Variants in KCNH5 observed in about 807,000 individuals in gnomAD.
The protein encoded by KCNH5 is potassium voltage-gated channel subfamily H member 5.
A neutral mutation model predicts 96.1 loss-of-function variants in KCNH5; 46 were observed. That is an observed-to-expected ratio of 0.48 (90% CI 0.38 to 0.61). The LOEUF is 0.61. Ranked by LOEUF, KCNH5 falls within the 20% of genes least tolerant of loss-of-function variation. The pLI, the probability that KCNH5 is intolerant of heterozygous loss-of-function variation, is 0.00. For synonymous variants in KCNH5, 439 were observed against 449.8 expected (o/e 0.98, Z 0.30); for missense variants, 907 against 1,225.8 (o/e 0.74, Z 3.88).
At chr14:63,044,902 C>A (rs1397874560) in intron 1 of KCNH5, among the ~76,000 whole-genome samples, 1 of 152,162 alleles carries the variant, frequency 6.6e-6, no homozygotes, top group Non-Finnish European at 1.5e-5. Flanking sequence ...GGGGGTGAGT[C>A]TGTCTGGTAG....
chr14:62,959,752 A>G (rs1427352176), intron 6 of KCNH5, among the ~76,000 whole-genome samples: 1 of 152,080 alleles, frequency 6.6e-6, no homozygotes, highest in East Asian at 1.9e-4. Context: ...TATTTGTAGT[A>G]ATAATGTTTT....
At chr14:62,930,013 C>T (rs11158463) in intron 7 of KCNH5, among the ~76,000 whole-genome samples, 107,681 of 152,052 alleles carry the variant, frequency 0.71, 38,985 homozygotes, top group East Asian at 0.99. Flanking sequence ...ATGTAGCACA[C>T]TTTTTAATCC....
intron 1 of KCNH5, among the ~76,000 whole-genome samples, chr14:63,026,002 G>C (rs1891517756): frequency 1.4e-5 from 2 of 141,204 alleles, no homozygotes; most frequent in South Asian, 4.3e-4. Flanking sequence ...CACGGTACTG[G>C]CATAAAAATA....
rs147770376 is a variant in KCNH5, at chr14:62,800,523, C to T, written c.1822+1806G>A. Among the ~76,000 whole-genome samples the T allele has an allele frequency of 2.9e-3, 436 of 152,102 alleles. 2 individuals carry two copies. Among genetic ancestry groups the T allele is most frequent in the African/African-American group, 9.8e-3 (406 of 41,504 alleles). On this transcript the variant is annotated intron_variant, in intron 9 of 10. Transcript: ENST00000322893. ...CCAAATGAAGTTGTAATGAAGAAAA[C>T]GGGACAAAGCAAATAATAATGAGTC...
At position 62,849,851 on chromosome 14, in the gene KCNH5, A is replaced by G. The variant is rs1240299458; in HGVS notation, c.1371T>C (p.Ser457=). Residue 457 remains serine, a splice_region_variant and synonymous_variant, in exon 8 of 11, where the codon TCT becomes TCC. Coordinates refer to ENST00000322893, the MANE Select transcript of KCNH5 (RefSeq NM_139318.5). ...MFSVAMMMVG[S]LLYATIFGNV... is the part of the protein sequence containing the mutation. ...TTCCAAAAATAGTTGCATAAAGAAGAGCTGAAAGAGAAGAAATGATAAAAA... is the reference window on the plus strand; with the variant it reads ...TTCCAAAAATAGTTGCATAAAGAAGGGCTGAAAGAGAAGAAATGATAAAAA... 6.2e-7 allele frequency: 1 copy of G among 1,608,306 alleles called. No homozygotes were observed. Among genetic ancestry groups the G allele is most frequent in the East Asian group, 2.2e-5 (1 of 44,796 alleles).
At chr14:62,817,784 A>AT (rs1229649476) in intron 8 of KCNH5, among the ~76,000 whole-genome samples, 1 of 146,290 alleles carries the variant, frequency 6.8e-6, no homozygotes, top group East Asian at 2.0e-4. Context: ...CTAGGAATAT[A>AT]TATATATATT....
intron 7 of KCNH5, among the ~76,000 whole-genome samples, chr14:62,867,737 C>T (rs1184943911): frequency 6.6e-6 from 1 of 152,148 alleles, no homozygotes; most frequent in Non-Finnish European, 1.5e-5. Context: ...ATCTCTAACC[C>T]TCTCTTCCTC....
chr14:62,981,842 A>G (rs537531090), intron 5 of KCNH5, among the ~76,000 whole-genome samples: 3 of 152,266 alleles, frequency 2.0e-5, no homozygotes, highest in East Asian at 1.9e-4. Flanking sequence ...TTCTTGCCCA[A>G]CTGCAAATTT....
chr14:62,919,744 A>G (rs571554652), intron 7 of KCNH5, among the ~76,000 whole-genome samples: 1 of 152,272 alleles, frequency 6.6e-6, no homozygotes, highest in South Asian at 2.1e-4. Flanking sequence ...GTGGCCCATC[A>G]TGAAAGTACT....
chr14:62,816,223 T>C (rs139346745), intron 8 of KCNH5, among the ~76,000 whole-genome samples: 4,835 of 152,052 alleles, frequency 0.032, 147 homozygotes, highest in South Asian at 0.084. Flanking sequence ...ATTGAAATCA[T>C]ATTCAAACAT....
chr14:62,705,865 A>G lies in KCNH5; in HGVS notation c.*1643T>C, dbSNP rs1425024116. 1.3e-5 allele frequency: 2 copies of G among 152,124 alleles called. No individual in the cohort carries two copies. The highest frequency in any genetic ancestry group is 2.1e-4 in the South Asian group (1 of 4,838). The allele number at this position is 152,124 out of a possible 1,614,324, so 9.4% of individuals were successfully genotyped here. On this transcript the variant is annotated 3_prime_UTR_variant, in exon 11 of 11. Transcript: ENST00000322893. ...CTTCGATTTTGCCATCATCTTTTGCATATTGTTAACATATATGTACAGATG... is the reference window on the plus strand; with the variant it reads ...CTTCGATTTTGCCATCATCTTTTGCGTATTGTTAACATATATGTACAGATG...
chr14:62,917,765 C>A (rs1045571793), intron 7 of KCNH5, among the ~76,000 whole-genome samples: 1 of 152,104 alleles, frequency 6.6e-6, no homozygotes, highest in Non-Finnish European at 1.5e-5. Flanking sequence ...CCAAAGCATA[C>A]CCCACATTAT....
At chr14:62,816,496 T>C (rs1435373216) in intron 8 of KCNH5, among the ~76,000 whole-genome samples, 1 of 151,994 alleles carries the variant, frequency 6.6e-6, no homozygotes, top group Non-Finnish European at 1.5e-5. Flanking sequence ...TGTTACATTA[T>C]TAGTTATAGT....
At chr14:62,785,595 G>C (rs1296006760) in intron 9 of KCNH5, among the ~76,000 whole-genome samples, 1 of 152,246 alleles carries the variant, frequency 6.6e-6, no homozygotes, top group East Asian at 1.9e-4. Flanking sequence ...GAAAGTTGTT[G>C]TTTGGTCTAT....
intron 10 of KCNH5, among the ~76,000 whole-genome samples, chr14:62,734,842 G>C (rs1219665564): frequency 6.6e-6 from 1 of 152,022 alleles, no homozygotes; most frequent in Non-Finnish European, 1.5e-5. Flanking sequence ...ATAATTAAAA[G>C]TAATTATTAT....
chr14:62,842,783 T>C (rs1266690821), intron 8 of KCNH5, among the ~76,000 whole-genome samples: 1 of 152,242 alleles, frequency 6.6e-6, no homozygotes, highest in Non-Finnish European at 1.5e-5. Flanking sequence ...TATGTAAAAC[T>C]ACAGTACTTA....
At chr14:62,879,603 C>G (rs1888451942) in intron 7 of KCNH5, among the ~76,000 whole-genome samples, 1 of 152,120 alleles carries the variant, frequency 6.6e-6, no homozygotes, top group Non-Finnish European at 1.5e-5. Context: ...GAAGGACCTT[C>G]CCGAATACTC....
At chr14:62,973,243 T>A (rs1426644586) in intron 6 of KCNH5, among the ~76,000 whole-genome samples, 3 of 152,184 alleles carry the variant, frequency 2.0e-5, no homozygotes, top group African/African-American at 7.2e-5. Flanking sequence ...GCAGATTGCT[T>A]AGGACTTAAT....
At chr14:62,986,238 C>T (rs1041495343) in intron 5 of KCNH5, among the ~76,000 whole-genome samples, 1 of 152,108 alleles carries the variant, frequency 6.6e-6, no homozygotes, top group Non-Finnish European at 1.5e-5. Context: ...AACTATGGAC[C>T]TCTTCTTAGA....
Sources: allele counts gnomAD v4.1 joint callset (sites outside exome capture counted in the v4.1 genomes callset), GRCh38; gene constraint gnomAD v4.1.1; transcripts MANE v1.5; gene names NCBI Gene and HGNC (gene_info 2026-07-23, HGNC 2026-07-21).